PREX1: variants seen among roughly 807,000 people sequenced by gnomAD.
The protein encoded by PREX1 is phosphatidylinositol-3,4,5-trisphosphate dependent Rac exchange factor 1, also known as phosphatidylinositol 3,4,5-trisphosphate-dependent Rac exchanger 1 protein.
Under a neutral mutation model 198.3 loss-of-function variants are expected in PREX1, and 41 were observed. That is an observed-to-expected ratio of 0.21 (90% CI 0.16 to 0.27). PREX1 has a LOEUF of 0.27. Ranked by LOEUF, PREX1 falls within the 10% of genes least tolerant of loss-of-function variation. The pLI is 1.00. For missense variants in PREX1, 1,620 were observed against 2,200.7 expected (o/e 0.74, Z 5.28); for synonymous variants, 843 against 887.2 (o/e 0.95, Z 0.89).
At chr20:48,758,311 C>G (rs2090163816) in intron 1 of PREX1, among the ~76,000 whole-genome samples, 1 of 152,296 alleles carries the variant, frequency 6.6e-6, no homozygotes, top group South Asian at 2.1e-4. Context: ...TGGCACTCCC[C>G]ATCTTCCCTG....
intron 1 of PREX1, among the ~76,000 whole-genome samples, chr20:48,821,179 G>A (rs967989956): frequency 1.3e-5 from 2 of 152,030 alleles, no homozygotes; most frequent in African/African-American, 2.4e-5. Context: ...TCCAGACTGG[G>A]CGACAGTACA....
intron 1 of PREX1, among the ~76,000 whole-genome samples, chr20:48,760,950 G>A (rs1601119557): frequency 6.6e-6 from 1 of 152,186 alleles, no homozygotes. Flanking sequence ...CCTTCACAAA[G>A]TAGTGGCAGA....
chr20:48,660,266 A>T (rs1041702632), intron 15 of PREX1, among the ~76,000 whole-genome samples: 1 of 152,264 alleles, frequency 6.6e-6, no homozygotes, highest in Non-Finnish European at 1.5e-5. Context: ...TCTCTTGAAA[A>T]GTCTGAACTT....
At chr20:48,656,904 G>A (rs748637267) in intron 18 of PREX1, 136 bp downstream of exon 18, 1 of 1,211,210 alleles carries the variant, frequency 8.3e-7, no homozygotes, top group Non-Finnish European at 1.1e-6. Flanking sequence ...AATTAATGAA[G>A]GTCCAGCTTG....
chr20:48,834,126 G>A, the PREX1 span, among the ~76,000 whole-genome samples: 4 of 152,022 alleles, frequency 2.6e-5, no homozygotes, highest in African/African-American at 7.2e-5. Flanking sequence ...GAAGGGTGCT[G>A]GTCTTCACCC....
chr20:48,715,369 A>G (rs1317942240), intron 5 of PREX1, among the ~76,000 whole-genome samples: 1 of 152,236 alleles, frequency 6.6e-6, no homozygotes, highest in Non-Finnish European at 1.5e-5. Context: ...TAAGTTCCCC[A>G]TCAATAGAAG....
intron 15 of PREX1, among the ~76,000 whole-genome samples, chr20:48,660,650 C>A (rs2089583959): frequency 6.6e-6 from 1 of 152,048 alleles, no homozygotes; most frequent in South Asian, 2.1e-4. Context: ...TTGTACTAGA[C>A]TAAAATTAAG....
At chr20:48,646,128 CCAG>C (rs1428194963) in intron 25 of PREX1, 71 bp from the exon 26 acceptor site, 2 of 1,493,754 alleles carry the variant, frequency 1.3e-6, no homozygotes, top group African/African-American at 2.8e-5. Flanking sequence ...GAAAATCCCA[CCAG>C]CAGCTGCAGG....
chr20:48,669,879 G>C (rs1032760930), intron 14 of PREX1, among the ~76,000 whole-genome samples: 1 of 152,162 alleles, frequency 6.6e-6, no homozygotes, highest in African/African-American at 2.4e-5. Flanking sequence ...AGTAATGGGG[G>C]AAAGAGGTGT....
At chr20:48,629,406 GCCAGC>G in intron 37 of PREX1, 38 bp downstream of exon 37, 9 of 1,597,780 alleles carry the variant, frequency 5.6e-6, no homozygotes, top group Non-Finnish European at 7.7e-6. Context: ...CAGAAGCTAG[GCCAGC>G]CCCTCCCCAC....
intron 1 of PREX1, among the ~76,000 whole-genome samples, chr20:48,820,956 G>A (rs936342545): frequency 6.6e-6 from 1 of 152,034 alleles, no homozygotes; most frequent in African/African-American, 2.4e-5. Context: ...TCCCAGCACT[G>A]TGGGAGGCCA....
the PREX1 span, among the ~76,000 whole-genome samples, chr20:48,854,905 A>G: frequency 6.6e-6 from 1 of 152,176 alleles, no homozygotes; most frequent in Admixed American, 6.5e-5. Context: ...CCATGTTTGC[A>G]CCTGGCTGTG....
chr20:48,658,130 C>T lies in PREX1; in HGVS notation c.1974+6G>A, dbSNP rs752943349. 1.6e-5 allele frequency: 25 copies of T among 1,612,142 alleles called. No individual in the cohort carries two copies. The highest frequency in any genetic ancestry group is 2.1e-5 in the Non-Finnish European group (25 of 1,178,994). On this transcript the variant is annotated splice_donor_region_variant and intron_variant, in intron 17 of 39. Coordinates refer to ENST00000371941, the MANE Select transcript of PREX1 (RefSeq NM_020820.4). ...CGGTCCCTGCCAGCTCCCCCGAGGG[C>T]CTCACCTCAGCCAGCGAGCCCCTCT...
chr20:48,874,371 CCGTG>C, the PREX1 span, among the ~76,000 whole-genome samples: 1 of 76,916 alleles, frequency 1.3e-5, no homozygotes, highest in Non-Finnish European at 2.7e-5. Flanking sequence ...GGAGGGGTGT[CCGTG>C]TGTGTGTGTG....
intron 1 of PREX1, among the ~76,000 whole-genome samples, chr20:48,815,911 G>A (rs1268171894): frequency 6.6e-6 from 1 of 151,968 alleles, no homozygotes; most frequent in Non-Finnish European, 1.5e-5. Flanking sequence ...TCGGGAGGCT[G>A]AGGCAGGAGA....
chr20:48,739,318 C>A (rs978217774), intron 3 of PREX1, among the ~76,000 whole-genome samples: 1 of 152,218 alleles, frequency 6.6e-6, no homozygotes, highest in African/African-American at 2.4e-5. Context: ...ATAAAATAAA[C>A]CCCAGGATGC....
intron 4 of PREX1, among the ~76,000 whole-genome samples, chr20:48,731,239 T>C (rs1231721481): frequency 6.6e-6 from 1 of 152,106 alleles, no homozygotes; most frequent in South Asian, 2.1e-4. Context: ...TCTCTCTCTC[T>C]CCTTCACTTC....
At chr20:48,652,399 C>G (rs1320194321) in intron 21 of PREX1, among the ~76,000 whole-genome samples, 187 bp downstream of exon 21, 1 of 151,444 alleles carries the variant, frequency 6.6e-6, no homozygotes, top group African/African-American at 2.4e-5. Context: ...GTGGTCACAA[C>G]ACTACACTCC....
rs1454596544 is a variant in PREX1, at chr20:48,751,850, G to C, written c.220-3970C>G. 2.6e-5 allele frequency among the ~76,000 whole-genome samples: 4 copies of C among 152,092 alleles called. No homozygotes were observed. In the East Asian group the frequency reaches 7.7e-4, roughly 29 times the overall value. ...TGAATGTGATGATGAAATACGTCAG[G>C]GATACAGAAAAGAATAGAGAGAAAC... On this transcript the variant is annotated intron_variant, in intron 1 of 39. Transcript: ENST00000371941.
Sources: gnomAD v4.1 joint callset for allele counts (sites outside exome capture counted in the v4.1 genomes callset) on GRCh38, gnomAD v4.1.1 for gene constraint, MANE v1.5 for transcripts, NCBI Gene and HGNC (gene_info 2026-07-23, HGNC 2026-07-21) for gene names.